Variants in COG5 observed in about 807,000 individuals in gnomAD.
COG5 encodes the protein conserved oligomeric Golgi complex subunit 5.
A neutral mutation model predicts 110.4 loss-of-function variants in COG5; 86 were observed. The ratio of observed to expected loss-of-function variants is 0.78; its 90% CI spans 0.65 to 0.93. The LOEUF is 0.93. COG5 is among the 40% of genes least tolerant of loss of function. COG5 has a pLI of 0.00. For synonymous variants in COG5, 360 were observed against 334.6 expected (o/e 1.08, Z -0.83); for missense variants, 1,077 against 987.0 (o/e 1.09, Z -1.22).
At chr7:107,421,075 A>G (rs963113717) in intron 6 of COG5, among the ~76,000 whole-genome samples, 6 of 152,196 alleles carry the variant, frequency 3.9e-5, no homozygotes, top group South Asian at 4.2e-4. Flanking sequence ...GAGCCAATGG[A>G]AAGAAAATAC....
At chr7:107,207,432 G>A (rs759451188) in intron 21 of COG5, among the ~76,000 whole-genome samples, 26 of 152,296 alleles carry the variant, frequency 1.7e-4, no homozygotes, top group Non-Finnish European at 3.1e-4. Flanking sequence ...TTCTCTGATG[G>A]TGTAGATAAA....
At chr7:107,445,251 A>T (rs570694881) in intron 6 of COG5, among the ~76,000 whole-genome samples, 2 of 152,164 alleles carry the variant, frequency 1.3e-5, no homozygotes, top group Non-Finnish European at 2.9e-5. Flanking sequence ...GGAGTTACAA[A>T]AACACACTCT....
intron 10 of COG5, among the ~76,000 whole-genome samples, chr7:107,359,277 T>G (rs1162440847): frequency 6.6e-6 from 1 of 152,184 alleles, no homozygotes; most frequent in East Asian, 1.9e-4. Flanking sequence ...CGAGCCCAGG[T>G]GCTGTCACAT....
At chr7:107,320,679 C>G (rs1809184411) in intron 11 of COG5, among the ~76,000 whole-genome samples, 1 of 152,068 alleles carries the variant, frequency 6.6e-6, no homozygotes, top group African/African-American at 2.4e-5. Flanking sequence ...TGTCTAGTAT[C>G]TTAAAGGATA....
At chr7:107,239,854 C>T (rs988264131) in intron 17 of COG5, among the ~76,000 whole-genome samples, 6 of 152,132 alleles carry the variant, frequency 3.9e-5, no homozygotes, top group Non-Finnish European at 7.3e-5. Flanking sequence ...TTGATTTCAG[C>T]TCCCTTTAAT....
chr7:107,502,765 G>C (rs188040159), intron 6 of COG5, among the ~76,000 whole-genome samples: 107 of 152,180 alleles, frequency 7.0e-4, no homozygotes, highest in African/African-American at 2.5e-3. Flanking sequence ...CTAATGATTA[G>C]GGATGTTGAA....
At chr7:107,547,882 A>T in intron 5 of COG5, 2 of 502,900 alleles carry the variant, frequency 4.0e-6, no homozygotes, top group Non-Finnish European at 7.0e-6. Flanking sequence ...AAATTGAAGA[A>T]GATATAAGTT....
At chr7:107,440,980 G>A (rs151194717) in intron 6 of COG5, among the ~76,000 whole-genome samples, 184 of 152,030 alleles carry the variant, frequency 1.2e-3, no homozygotes, top group Non-Finnish European at 2.2e-3. Context: ...CAGGCCGGGC[G>A]TGGTGGCTCA....
At chr7:107,426,342 G>A (rs1231385078) in intron 6 of COG5, among the ~76,000 whole-genome samples, 1 of 152,154 alleles carries the variant, frequency 6.6e-6, no homozygotes, top group Admixed American at 6.5e-5. Flanking sequence ...ACTTGCCCAA[G>A]TTCATAATTA....
chr7:107,355,704 G>A (rs1812567927), intron 10 of COG5, among the ~76,000 whole-genome samples: 1 of 152,190 alleles, frequency 6.6e-6, no homozygotes, highest in Non-Finnish European at 1.5e-5. Context: ...CCAATTACAT[G>A]ACATTTTGAA....
intron 10 of COG5, among the ~76,000 whole-genome samples, chr7:107,351,038 A>G (rs1332132507): frequency 6.6e-6 from 1 of 152,072 alleles, no homozygotes; most frequent in Admixed American, 6.5e-5. Context: ...ATTTGTATGT[A>G]CTGTAGTGAC....
rs534575685 is a variant in COG5 at position 107,224,055 on chromosome 7, A to G, written c.2168+6560T>C. Among the ~76,000 whole-genome samples the G allele has an allele frequency of 2.0e-5, 3 of 152,374 alleles. No homozygotes were observed. The East Asian group carries it at 5.8e-4, about 29-fold the overall frequency. On this transcript the variant is annotated intron_variant, in intron 19 of 21. Transcript: ENST00000297135. The stretch of plus-strand genomic sequence containing the variant: ...GAGCAACAAAACAACTAAGTCCAAG[A>G]TGGTGGTTGCCTTCTGGCTGTAACA...
intron 14 of COG5, among the ~76,000 whole-genome samples, chr7:107,263,255 G>A (rs941602221): frequency 3.3e-5 from 5 of 152,144 alleles, no homozygotes; most frequent in Non-Finnish European, 4.4e-5. Flanking sequence ...CCTTAAAATT[G>A]CCATCACTAA....
intron 5 of COG5, among the ~76,000 whole-genome samples, chr7:107,530,407 G>A (rs1801112708): frequency 6.6e-6 from 1 of 152,078 alleles, no homozygotes; most frequent in African/African-American, 2.4e-5. Context: ...TTCGAGACCA[G>A]CCTGACCAAC....
At chr7:107,394,288 A>C (rs1790833023) in intron 7 of COG5, among the ~76,000 whole-genome samples, 1 of 148,242 alleles carries the variant, frequency 6.7e-6, no homozygotes, top group African/African-American at 2.6e-5. Flanking sequence ...TAAGTGAAAA[A>C]GATACTTAAA....
intron 14 of COG5, among the ~76,000 whole-genome samples, chr7:107,260,998 T>C (rs1405205570): frequency 6.6e-6 from 1 of 151,848 alleles, no homozygotes; most frequent in African/African-American, 2.4e-5. Flanking sequence ...CCCCTCAGTA[T>C]ACAAGGAGGA....
chr7:107,536,336 G>A (rs544547507), intron 5 of COG5, among the ~76,000 whole-genome samples: 112 of 152,262 alleles, frequency 7.4e-4, no homozygotes, highest in Middle Eastern at 3.4e-3. Context: ...AATTATTTCC[G>A]TTTGCAGATG....
intron 11 of COG5, among the ~76,000 whole-genome samples, chr7:107,304,049 G>C (rs1291299194): frequency 6.6e-6 from 1 of 152,090 alleles, no homozygotes. Flanking sequence ...TAATTTAGAA[G>C]ATAATTCTAT....
At chr7:107,428,826 A>G (rs963295251) in intron 6 of COG5, among the ~76,000 whole-genome samples, 1 of 152,206 alleles carries the variant, frequency 6.6e-6, no homozygotes, top group Non-Finnish European at 1.5e-5. Flanking sequence ...TTAATCTTCT[A>G]CACAACACTC....
Sources: allele counts gnomAD v4.1 joint callset (sites outside exome capture counted in the v4.1 genomes callset), GRCh38; gene constraint gnomAD v4.1.1; transcripts MANE v1.5; gene names NCBI Gene and HGNC (gene_info 2026-07-23, HGNC 2026-07-21).